TAAR1: variants seen among roughly 807,000 people sequenced by gnomAD.
TAAR1 encodes trace amine associated receptor 1.
TAAR1 carries 1 observed loss-of-function variant against 1.2 expected under a neutral mutation model. That is an observed-to-expected ratio of 0.81 (90% confidence interval 0.29 to 3.86). The LOEUF (loss-of-function observed/expected upper bound fraction) is 3.86, where lower values mean the gene tolerates loss of function less well. Ranked by LOEUF, TAAR1 falls within the 30% of genes most tolerant of loss-of-function variation. TAAR1 has a pLI of 0.18. For missense variants in TAAR1, 445 were observed against 405.6 expected (o/e 1.10, Z -0.83); for synonymous variants, 153 against 132.2 (o/e 1.16, Z -1.08).
chr6:132,655,979 G>A (rs957562752), intron 1 of TAAR1, among the ~76,000 whole-genome samples: 3 of 152,122 alleles, frequency 2.0e-5, no homozygotes, highest in African/African-American at 7.2e-5. Flanking sequence ...GATGGTGACT[G>A]CAGAGGGACA....
chr6:132,649,166 T>C (rs1203548731), intron 1 of TAAR1, among the ~76,000 whole-genome samples: 1 of 152,152 alleles, frequency 6.6e-6, no homozygotes, highest in Non-Finnish European at 1.5e-5. Context: ...CAATTTCCCA[T>C]TGTGGTATTA....
chr6:132,649,100 T>C (rs66956864), intron 1 of TAAR1, among the ~76,000 whole-genome samples: 9,469 of 152,146 alleles, frequency 0.062, 336 homozygotes, highest in East Asian at 0.11. Flanking sequence ...AACCACCCAT[T>C]CCTAATTGTT....
rs574395819 is a variant in TAAR1, at chr6:132,645,723, A to G, written c.281T>C (p.Val94Ala). ...SAEHCWYFGE[V>A]FCKIHTSTDI... is the part of the protein sequence containing the mutation. Reference sequence around the variant, plus strand: ...GGTGCTTGTGTGAATTTTACAGAAGACTTCTCCAAAATACCAACAGTGCTC... The same window carrying G: ...GGTGCTTGTGTGAATTTTACAGAAGGCTTCTCCAAAATACCAACAGTGCTC... The change falls in exon 2 of 2, where the codon GTC becomes GCC. Residue 94 changes from valine to alanine, a missense_variant. Val to Ala is a moderately conservative substitution (Grantham distance 64). Transcript: ENST00000275216. The G allele has an allele frequency of 2.0e-5, 32 of 1,613,680 alleles. No individual in the cohort carries two copies. The South Asian group carries it at 2.5e-4, about 13-fold the overall frequency.
rs1582750298 is a variant in TAAR1, at chr6:132,646,076, G to T, written c.-73C>A. The T allele has an allele frequency of 6.9e-7, 1 of 1,452,986 alleles. No individual in the cohort carries two copies. The highest frequency in any genetic ancestry group is 9.3e-7 in the Non-Finnish European group (1 of 1,080,538). The allele number at this position is 1,452,986 out of a possible 1,614,324, so 90.0% of individuals were successfully genotyped here. On this transcript the variant is annotated 5_prime_UTR_variant, in exon 2 of 2. Transcript: ENST00000275216. ...ATCTTTTTCCCAAATCCATAATCAGGTTACAGTTCCTTCTCATGTTTATTT... is the reference window on the plus strand; with the variant it reads ...ATCTTTTTCCCAAATCCATAATCAGTTTACAGTTCCTTCTCATGTTTATTT...
chr6:132,648,125 T>C (rs930970127), intron 1 of TAAR1, among the ~76,000 whole-genome samples: 4 of 152,186 alleles, frequency 2.6e-5, no homozygotes, highest in African/African-American at 7.2e-5. Context: ...ATGGATTTCT[T>C]ACTATGAAAT....
At chr6:132,656,542 A>G (rs1053050165) in intron 1 of TAAR1, among the ~76,000 whole-genome samples, 1 of 152,180 alleles carries the variant, frequency 6.6e-6, no homozygotes, top group Non-Finnish European at 1.5e-5. Flanking sequence ...ACATGTACTG[A>G]GCACAAAAGG....
intron 1 of TAAR1, among the ~76,000 whole-genome samples, chr6:132,650,980 T>C (rs934710075): frequency 2.4e-4 from 36 of 151,528 alleles, no homozygotes; most frequent in African/African-American, 8.5e-4. Context: ...CCTCTAATCC[T>C]ATCTCTTAAA....
At chr6:132,647,819 A>G (rs1301148503) in intron 1 of TAAR1, among the ~76,000 whole-genome samples, 1 of 152,138 alleles carries the variant, frequency 6.6e-6, no homozygotes, top group Non-Finnish European at 1.5e-5. Flanking sequence ...CTAGAATTCC[A>G]GGAGTCTGCC....
chr6:132,646,954 T>C (rs1777678580), intron 1 of TAAR1, among the ~76,000 whole-genome samples: 1 of 152,072 alleles, frequency 6.6e-6, no homozygotes, highest in African/African-American at 2.4e-5. Flanking sequence ...ATATAAGAAT[T>C]TATGATGTCT....
intron 1 of TAAR1, among the ~76,000 whole-genome samples, chr6:132,657,633 G>A (rs66802854): frequency 0.06 from 9,053 of 151,926 alleles, 312 homozygotes; most frequent in East Asian, 0.11. Flanking sequence ...ACACTCACAT[G>A]CATTTATGTA....
intron 1 of TAAR1, among the ~76,000 whole-genome samples, chr6:132,646,756 A>G (rs1031160173): frequency 5.3e-5 from 8 of 152,172 alleles, no homozygotes; most frequent in Non-Finnish European, 1.0e-4. Context: ...TAAGGAAGAC[A>G]TGACATGCTT....
chr6:132,654,828 C>G (rs9321360), intron 1 of TAAR1, among the ~76,000 whole-genome samples: 29,745 of 152,008 alleles, frequency 0.2, 3,153 homozygotes, highest in East Asian at 0.33. Flanking sequence ...AATTAAGCAT[C>G]GAATTCACTT....
intron 1 of TAAR1, among the ~76,000 whole-genome samples, chr6:132,647,549 G>A (rs995386389): frequency 1.7e-5 from 2 of 120,918 alleles, no homozygotes; most frequent in African/African-American, 3.7e-5. Context: ...AAGGAAGAAA[G>A]AAAAAAGAAA....
In TAAR1 at chr6:132,645,631, C is replaced by G; in HGVS notation, c.373G>C (p.Val125Leu). 1.2e-6 allele frequency: 2 copies of G among 1,613,606 alleles called. No homozygotes were observed. The highest frequency in any genetic ancestry group is 1.7e-6 in the Non-Finnish European group (2 of 1,179,784). ...SFISIDRYYA[V>L]CDPLRYKAKM... is the part of the protein sequence containing the mutation. ...GCTTTATATCTCAGTGGATCACACA[C>G]AGCATAGTAGCGGTCAATGGAGATG... Residue 125 changes from valine (V) to leucine (L), a missense_variant, in exon 2 of 2, where the codon GTG becomes CTG. Coordinates refer to ENST00000275216, the MANE Select transcript of TAAR1 (RefSeq NM_138327.4).
Position 132,645,582 on chromosome 6 carries a change from C to A in TAAR1, c.422G>T (p.Cys141Phe). The A allele has an allele frequency of 1.2e-6, 2 of 1,613,628 alleles. No individual in the cohort carries two copies. Among genetic ancestry groups the A allele is most frequent in the Non-Finnish European group, 1.7e-6 (2 of 1,179,814 alleles). ...YKAKMNILVICVMIFISWSVP... is the reference protein window; with the variant it reads ...YKAKMNILVIFVMIFISWSVP... ...ACTCCAACTAATGAAGATCATCACACAAATAACCAAGATATTCATCTTGGC... is the reference window on the plus strand; with the variant it reads ...ACTCCAACTAATGAAGATCATCACAAAAATAACCAAGATATTCATCTTGGC... The change falls in exon 2 of 2, where the codon TGT (cysteine) becomes TTT (phenylalanine). Residue 141 changes from cysteine (C) to phenylalanine (F), a missense_variant. Physicochemically the swap from Cys to Phe is radical, Grantham distance 205. Transcript: ENST00000275216.
intron 1 of TAAR1, among the ~76,000 whole-genome samples, chr6:132,655,035 C>G (rs984366354): frequency 6.6e-6 from 1 of 152,104 alleles, no homozygotes; most frequent in Non-Finnish European, 1.5e-5. Context: ...CAAAAAAAAT[C>G]CTACACCCCT....
In TAAR1 at chr6:132,646,140, A is replaced by C. The variant is rs992266652; in HGVS notation, c.-126-11T>G. 3 of 1,005,552 alleles carry C rather than the reference A, an allele frequency of 3.0e-6. No individual in the cohort carries two copies. In the African/African-American group the frequency reaches 4.9e-5, roughly 16 times the overall value. 62.3% of individuals were successfully genotyped at this position (1,005,552 alleles called of 1,614,324 possible). On this transcript the variant is annotated splice_polypyrimidine_tract_variant and intron_variant, in intron 1 of 1. Coordinates refer to ENST00000275216, the MANE Select transcript of TAAR1 (RefSeq NM_138327.4). ...ACTTATCCCAGAAACCTAGGAGGAA[A>C]AATAAAAGAGTAAATCATTGGCAAT... is the stretch of plus-strand genomic sequence containing the variant.
intron 1 of TAAR1, among the ~76,000 whole-genome samples, chr6:132,658,715 A>C (rs2114293294): frequency 6.6e-6 from 1 of 152,310 alleles, no homozygotes; most frequent in East Asian, 1.9e-4. Context: ...AAAAATCTAT[A>C]AGGACTCCTT....
chr6:132,645,737 C>A lies in TAAR1; in HGVS notation c.267G>T (p.Trp89Cys). 1.9e-6 allele frequency: 3 copies of A among 1,613,706 alleles called. No individual in the cohort carries two copies. Among genetic ancestry groups the A allele is most frequent in the Non-Finnish European group, 2.5e-6 (3 of 1,179,816 alleles). ...YSMVRSAEHC[W>C]YFGEVFCKIH... Reference sequence around the variant, plus strand: ...TTTTACAGAAGACTTCTCCAAAATACCAACAGTGCTCAGCAGATCTCACCA... The same window carrying A: ...TTTTACAGAAGACTTCTCCAAAATAACAACAGTGCTCAGCAGATCTCACCA... Residue 89 changes from tryptophan (W) to cysteine (C), a missense_variant, in exon 2 of 2, where the codon TGG becomes TGT. Trp to Cys is a radical substitution (Grantham distance 215). Transcript: ENST00000275216.
Sources: gnomAD v4.1 joint callset for allele counts (sites outside exome capture counted in the v4.1 genomes callset) on GRCh38, gnomAD v4.1.1 for gene constraint, MANE v1.5 for transcripts, NCBI Gene and HGNC (gene_info 2026-07-23, HGNC 2026-07-21) for gene names.